PPFIA2: variants seen among roughly 807,000 people sequenced by gnomAD.
PPFIA2 encodes liprin-alpha-2.
Under a neutral mutation model 175.5 loss-of-function variants are expected in PPFIA2, and 46 were observed. That is an observed-to-expected ratio of 0.26 (90% CI 0.21 to 0.34). PPFIA2 has a LOEUF of 0.34. Among genes scored for constraint, PPFIA2 ranks in the 10% least tolerant of loss-of-function variants. PPFIA2 has a pLI of 1.00. For synonymous variants in PPFIA2, 568 were observed against 511.4 expected, an observed-to-expected ratio of 1.11 and a Z score of -1.49; for missense variants, 1,179 against 1,506.1, an observed-to-expected ratio of 0.78 and a Z score of 3.60.
At chr12:81,471,812 T>C (rs1363722359) in intron 4 of PPFIA2, among the ~76,000 whole-genome samples, 1 of 152,210 alleles carries the variant, frequency 6.6e-6, no homozygotes, top group Admixed American at 6.5e-5. Context: ...GCATTTGTTT[T>C]CTTTTGCTTT....
chr12:81,632,786 C>G (rs550001510), intron 4 of PPFIA2, among the ~76,000 whole-genome samples: 1 of 152,074 alleles, frequency 6.6e-6, no homozygotes, highest in East Asian at 1.9e-4. Flanking sequence ...ATAAGGGGTC[C>G]CGTTTTAACT....
At chr12:81,499,568 A>G (rs2060379214) in intron 4 of PPFIA2, among the ~76,000 whole-genome samples, 1 of 152,178 alleles carries the variant, frequency 6.6e-6, no homozygotes, top group Non-Finnish European at 1.5e-5. Context: ...ATAGCTTTGT[A>G]CTGTGCTAAA....
At chr12:81,703,779 T>C (rs1053195629) in intron 3 of PPFIA2, among the ~76,000 whole-genome samples, 8 of 152,112 alleles carry the variant, frequency 5.3e-5, no homozygotes, top group African/African-American at 1.9e-4. Flanking sequence ...AGCATCTTCC[T>C]AATGCCACTG....
chr12:81,661,163 C>A (rs1443676248), intron 4 of PPFIA2, among the ~76,000 whole-genome samples: 1 of 152,158 alleles, frequency 6.6e-6, no homozygotes, highest in Non-Finnish European at 1.5e-5. Flanking sequence ...AACCAGCTAA[C>A]ATCATAATGA....
At chr12:81,358,956 A>T (rs2061246938) in intron 15 of PPFIA2, among the ~76,000 whole-genome samples, 1 of 152,112 alleles carries the variant, frequency 6.6e-6, no homozygotes, top group African/African-American at 2.4e-5. Context: ...TCATTACACT[A>T]GTTTTCAATA....
At chr12:81,428,122 T>A (rs2047466458) in intron 7 of PPFIA2, among the ~76,000 whole-genome samples, 1 of 151,936 alleles carries the variant, frequency 6.6e-6, no homozygotes, top group African/African-American at 2.4e-5. Context: ...TTTATGATGC[T>A]TATGATCAAA....
At position 81,287,981 on chromosome 12, in the gene PPFIA2, G is replaced by A. The variant is rs112693028; in HGVS notation, c.2926-3678C>T. Among the ~76,000 whole-genome samples the A allele has an allele frequency of 2.3e-3, 355 of 151,902 alleles. 1 individual carries two copies. The highest frequency in any genetic ancestry group is 8.3e-3 in the African/African-American group (345 of 41,512). On this transcript the variant is annotated intron_variant, in intron 24 of 32. Coordinates refer to ENST00000549396, the MANE Select transcript of PPFIA2 (RefSeq NM_003625.5). The stretch of plus-strand genomic sequence containing the variant: ...CTGTGCTGCAATCTCCCCCAAAAAT[G>A]TGCGAGCTAGAAAATGCAAACCAAT...
At chr12:81,295,080 A>T in intron 23 of PPFIA2, 45 bp from the exon 24 acceptor site, 6 of 1,540,248 alleles carry the variant, frequency 3.9e-6, no homozygotes, top group Middle Eastern at 1.7e-4. Flanking sequence ...AATAATAGTT[A>T]TCATTTTAGT....
intron 4 of PPFIA2, among the ~76,000 whole-genome samples, chr12:81,670,898 T>C (rs1167339844): frequency 6.6e-6 from 1 of 151,968 alleles, no homozygotes. Flanking sequence ...AGGCACATTC[T>C]TCCTCTGACC....
Position 81,341,191 on chromosome 12 carries a change from T to A in PPFIA2, c.2280A>T (p.Glu760Asp). 1 of 1,611,834 alleles carries A rather than the reference T, an allele frequency of 6.2e-7. No homozygotes were observed. Among genetic ancestry groups the A allele is most frequent in the Non-Finnish European group, 8.5e-7 (1 of 1,178,480 alleles). The change falls in exon 20 of 33, where the codon GAA becomes GAT. Residue 760 changes from glutamate to aspartate, a missense_variant. Glu to Asp is a conservative substitution (Grantham distance 45). Transcript: ENST00000549396. ...KHRRKIAVVE[E>D]DGREDKATIK... ...TTGTTGCTTTGTCCTCTCGACCATCTTCTTCCACAACTGCAATCTAGAAGC... is the reference window on the plus strand; with the variant it reads ...TTGTTGCTTTGTCCTCTCGACCATCATCTTCCACAACTGCAATCTAGAAGC...
chr12:81,712,092 G>T (rs2078011426), intron 3 of PPFIA2, among the ~76,000 whole-genome samples: 1 of 151,062 alleles, frequency 6.6e-6, no homozygotes. Flanking sequence ...TTTTAAAGGA[G>T]AATTAACATC....
intron 7 of PPFIA2, among the ~76,000 whole-genome samples, chr12:81,432,937 C>T (rs1257511739): frequency 1.3e-5 from 2 of 151,752 alleles, no homozygotes; most frequent in African/African-American, 4.8e-5. Flanking sequence ...CTCTTTGCCA[C>T]GTCAGCCTTA....
chr12:81,616,886 A>G (rs1303276140), intron 4 of PPFIA2, among the ~76,000 whole-genome samples: 1 of 152,186 alleles, frequency 6.6e-6, no homozygotes, highest in Non-Finnish European at 1.5e-5. Context: ...ATTTGATTGA[A>G]CTGATTAGGT....
chr12:81,644,321 G>A (rs2065764553), intron 4 of PPFIA2, among the ~76,000 whole-genome samples: 5 of 151,854 alleles, frequency 3.3e-5, no homozygotes, highest in Admixed American at 3.3e-4. Context: ...TCACATCGCT[G>A]GTTATATGTA....
At chr12:81,366,045 C>A (rs1488580210) in intron 14 of PPFIA2, among the ~76,000 whole-genome samples, 4 of 127,744 alleles carry the variant, frequency 3.1e-5, no homozygotes, top group Non-Finnish European at 6.5e-5. Context: ...CTCCCTCCCT[C>A]TTCCCTTTCC....
intron 4 of PPFIA2, among the ~76,000 whole-genome samples, chr12:81,458,657 C>G (rs922559363): frequency 2.0e-5 from 3 of 152,060 alleles, no homozygotes; most frequent in African/African-American, 7.2e-5. Flanking sequence ...TAAATGGGAT[C>G]AGAGATCATA....
intron 4 of PPFIA2, among the ~76,000 whole-genome samples, chr12:81,626,335 G>A (rs2062703515): frequency 6.6e-6 from 1 of 151,742 alleles, no homozygotes; most frequent in Non-Finnish European, 1.5e-5. Context: ...CTTCTAAAGT[G>A]GCCTATTCCA....
chr12:81,431,918 A>G (rs1168604280), intron 7 of PPFIA2, among the ~76,000 whole-genome samples: 1 of 151,746 alleles, frequency 6.6e-6, no homozygotes. Context: ...ACCTGCTTCT[A>G]TTTTCTTTCT....
intron 4 of PPFIA2, among the ~76,000 whole-genome samples, chr12:81,630,971 A>G (rs1171485324): frequency 6.7e-6 from 1 of 150,366 alleles, no homozygotes; most frequent in Non-Finnish European, 1.5e-5. Context: ...ATCTCAGCTC[A>G]CTACAACCTC....
Sources: allele counts gnomAD v4.1 joint callset (sites outside exome capture counted in the v4.1 genomes callset), GRCh38; gene constraint gnomAD v4.1.1; transcripts MANE v1.5; gene names NCBI Gene and HGNC (gene_info 2026-07-23, HGNC 2026-07-21).